The following HTN1 variants were observed in gnomAD, a reference collection of about 807,000 sequenced individuals.
HTN1 encodes histatin 1.
Under a neutral mutation model 11.2 loss-of-function variants are expected in HTN1, and 18 were observed. The ratio of observed to expected loss-of-function variants is 1.61; its 90% CI spans 1.12 to 2.39. The LOEUF (loss-of-function observed/expected upper bound fraction) is 2.39, where lower values mean the gene tolerates loss of function less well. Among genes scored for constraint, HTN1 ranks in the 30% most tolerant of loss-of-function variants. The pLI is 0.00. For missense variants in HTN1, 80 were observed against 67.2 expected (o/e 1.19, Z -0.67); for synonymous variants, 21 against 20.5 (o/e 1.02, Z -0.07).
chr4:70,055,427 G>C, intron 4 of HTN1, 71 bp from the exon 5 acceptor site: 1 of 1,108,102 alleles, frequency 9.0e-7, no homozygotes, highest in East Asian at 2.4e-5. Context: ...TTTAATGACA[G>C]TTTTTGAGAA....
Position 70,058,037 on chromosome 4 carries a change from CTA to C in HTN1, c.*34-541_*34-540del, listed in dbSNP as rs1458109516. 11 of 152,218 alleles carry C rather than the reference CTA, an allele frequency of 7.2e-5. No homozygotes were observed. The East Asian group carries it at 2.1e-3, about 29-fold the overall frequency. The allele number at this position is 152,218 out of a possible 1,614,324, so 9.4% of individuals were successfully genotyped here. A position where few individuals can be genotyped will look rare whatever the true frequency, so the allele number is the denominator to read the frequency against. ...TTCACAGCATAAAATGTTCCAAAAT[CTA>C]TGAGATACTAAAGATTACATTTCAA... On this transcript the variant is annotated intron_variant, in intron 5 of 5. Coordinates refer to ENST00000246896, the MANE Select transcript of HTN1 (RefSeq NM_002159.4).
Position 70,054,423 on chromosome 4 carries a change from A to C in HTN1, c.75A>C (p.Arg25Ser). Reference sequence around the variant, plus strand: ...AATCTTTTCTTTTTATTTCATAGAGACATCATGGGTATAGAAGAAAATTCC... The same window carrying C: ...AATCTTTTCTTTTTATTTCATAGAGCCATCATGGGTATAGAAGAAAATTCC... ...SMISADSHEK[R>S]HHGYRRKFHE... The change falls in exon 4 of 6, where the codon AGA becomes AGC. Residue 25 changes from arginine (R) to serine (S), a missense_variant and splice_region_variant. Arg to Ser is a moderately radical substitution (Grantham distance 110). Coordinates refer to ENST00000246896, the MANE Select transcript of HTN1 (RefSeq NM_002159.4). The C allele has an allele frequency of 6.6e-7, 1 of 1,521,336 alleles. No individual in the cohort carries two copies. Among genetic ancestry groups the C allele is most frequent in the Non-Finnish European group, 9.0e-7 (1 of 1,107,278 alleles). 94.2% of individuals were successfully genotyped at this position (1,521,336 alleles called of 1,614,324 possible).
At chr4:70,054,266 C>T in intron 2 of HTN1, 56 bp from the exon 3 acceptor site, 1 of 1,096,746 alleles carries the variant, frequency 9.1e-7, no homozygotes, top group African/African-American at 1.6e-5. Flanking sequence ...TTTATACTTA[C>T]TCTTGAATTA....
At chr4:70,056,056 T>C (rs549752772) in intron 5 of HTN1, 1 of 152,408 alleles carries the variant, frequency 6.6e-6, no homozygotes, top group Admixed American at 6.5e-5. Flanking sequence ...TTCATGATAA[T>C]GATTTTTCTT....
Position 70,054,337 on chromosome 4 carries a change from GA to G in HTN1, c.71del (p.Lys24ArgfsTer43). 1 of 1,523,198 alleles carries G rather than the reference GA, an allele frequency of 6.6e-7. No homozygotes were observed. Among genetic ancestry groups the G allele is most frequent in the Non-Finnish European group, 8.9e-7 (1 of 1,120,386 alleles). The allele number at this position is 1,523,198 out of a possible 1,614,324, so 94.4% of individuals were successfully genotyped here. ...TTTTTCCAAGAGCGCTGATTCACAT[GA>G]AAAGGTAAGACATTTTCATTTACGG... is the stretch of plus-strand genomic sequence containing the variant. ...MISMISADSHEKRHHGYRRKF... is the reference protein window; with the variant it reads ...MISMISADSHXKRHHGYRRKF... On this transcript the variant is annotated frameshift_variant, in exon 3 of 6. Transcript: ENST00000246896. LOFTEE classifies it high-confidence loss of function.
chr4:70,054,372 G>A (rs764870358), intron 3 of HTN1, 30 bp downstream of exon 3: 2 of 1,543,416 alleles, frequency 1.3e-6, no homozygotes, highest in South Asian at 1.2e-5. Flanking sequence ...GGGAAAACTT[G>A]ATAAATAAAC....
intron 1 of HTN1, 122 bp from the exon 2 acceptor site, chr4:70,052,942 A>C (rs1429233903): frequency 5.9e-5 from 40 of 678,556 alleles, no homozygotes; most frequent in Admixed American, 3.1e-4. Context: ...ATGCCCCTGC[A>C]CTCCAGCCTG....
chr4:70,056,685 T>G lies in HTN1; in HGVS notation c.*33+1083T>G, dbSNP rs924225256. On this transcript the variant is annotated intron_variant, in intron 5 of 5. Transcript: ENST00000246896. ...AATCTACAAGGAACTTAAACAAATT[T>G]ACAAGACAAAAACAAACAACCCCAT... is the stretch of plus-strand genomic sequence containing the variant. The G allele has an allele frequency of 1.3e-4, 19 of 151,980 alleles. 1 individual carries two copies. The highest frequency in any genetic ancestry group is 1.2e-3 in the Admixed American group (18 of 15,236). 9.4% of individuals were successfully genotyped at this position (151,980 alleles called of 1,614,324 possible).
At position 70,053,129 on chromosome 4, in the gene HTN1, T is replaced by C; in HGVS notation, c.51+2T>C. ...TTGGCTCTCATGATTTCCATGATTGTAAGTATATCTGGAAATTTTAAATAC... is the reference window on the plus strand; with the variant it reads ...TTGGCTCTCATGATTTCCATGATTGCAAGTATATCTGGAAATTTTAAATAC... On this transcript the variant is annotated splice_donor_variant, in intron 2 of 5. Coordinates refer to ENST00000246896, the MANE Select transcript of HTN1 (RefSeq NM_002159.4). LOFTEE classifies it high-confidence loss of function. 3.8e-6 allele frequency: 6 copies of C among 1,593,402 alleles called. No homozygotes were observed. The highest frequency in any genetic ancestry group is 5.2e-6 in the Non-Finnish European group (6 of 1,161,584).
At chr4:70,053,969 G>T (rs1260027655) in intron 2 of HTN1, among the ~76,000 whole-genome samples, 1 of 152,056 alleles carries the variant, frequency 6.6e-6, no homozygotes, top group East Asian at 1.9e-4. Flanking sequence ...TAAAATATTT[G>T]TATGTTGGTA....
At chr4:70,051,413 T>C (rs1255670014) in intron 1 of HTN1, among the ~76,000 whole-genome samples, 1 of 152,254 alleles carries the variant, frequency 6.6e-6, no homozygotes, top group South Asian at 2.1e-4. Flanking sequence ...AAATTTTTAT[T>C]GATGTGTTAC....
chr4:70,057,307 G>A (rs1024112005), intron 5 of HTN1: 1 of 152,042 alleles, frequency 6.6e-6, no homozygotes, highest in Non-Finnish European at 1.5e-5. Context: ...ACAGCACAAG[G>A]TCTCACTCAT....
At chr4:70,050,769 T>C (rs1725872021) in intron 1 of HTN1, among the ~76,000 whole-genome samples, 1 of 152,168 alleles carries the variant, frequency 6.6e-6, no homozygotes, top group South Asian at 2.1e-4. Context: ...TATTTTATTT[T>C]ACTTTCTTAT....
intron 5 of HTN1, chr4:70,056,972 G>A (rs1726060063): frequency 6.6e-6 from 1 of 152,190 alleles, no homozygotes; most frequent in African/African-American, 2.4e-5. Flanking sequence ...GTGGAAGACA[G>A]TATGGTGATT....
intron 2 of HTN1, among the ~76,000 whole-genome samples, chr4:70,053,592 C>A (rs1725954901): frequency 6.6e-6 from 1 of 152,242 alleles, no homozygotes; most frequent in South Asian, 2.1e-4. Context: ...TAAAATAAAG[C>A]TGCTTATTTT....
chr4:70,050,697 G>A (rs527542222), intron 1 of HTN1, among the ~76,000 whole-genome samples: 1 of 152,136 alleles, frequency 6.6e-6, no homozygotes, highest in African/African-American at 2.4e-5. Flanking sequence ...GTTCAAATTA[G>A]CATAGATGAT....
chr4:70,053,652 T>C (rs1423232432), intron 2 of HTN1, among the ~76,000 whole-genome samples: 1 of 152,146 alleles, frequency 6.6e-6, no homozygotes, highest in African/African-American at 2.4e-5. Flanking sequence ...AGTTCCCAGC[T>C]CTATTGTCAT....
At chr4:70,052,974 A>G (rs368919513) in intron 1 of HTN1, 90 bp from the exon 2 acceptor site, 52 of 800,582 alleles carry the variant, frequency 6.5e-5, no homozygotes, top group East Asian at 1.0e-4. Context: ...ATGTCTCCCA[A>G]TGCTTTGAAG....
At chr4:70,052,117 T>C (rs567407132) in intron 1 of HTN1, among the ~76,000 whole-genome samples, 1 of 152,292 alleles carries the variant, frequency 6.6e-6, no homozygotes, top group South Asian at 2.1e-4. Flanking sequence ...AATAATATTA[T>C]TTGAAATATT....
Sources: allele counts gnomAD v4.1 joint callset (sites outside exome capture counted in the v4.1 genomes callset), GRCh38; gene constraint gnomAD v4.1.1; transcripts MANE v1.5; gene names NCBI Gene and HGNC (gene_info 2026-07-23, HGNC 2026-07-21).